FBP2: variants seen among roughly 807,000 people sequenced by gnomAD.
The protein encoded by FBP2 is fructose-1,6-bisphosphatase isozyme 2.
Under a neutral mutation model 31.6 loss-of-function variants are expected in FBP2, and 27 were observed. The observed-to-expected ratio is 0.85, with a 90% confidence interval of 0.63 to 1.18. FBP2 has a LOEUF of 1.18. Ranked by LOEUF, FBP2 falls within the 50% of genes most tolerant of loss-of-function variation. The pLI is 0.00. For missense variants in FBP2, 421 were observed against 436.1 expected (o/e 0.97, Z 0.31); for synonymous variants, 168 against 179.8 (o/e 0.93, Z 0.53).
intron 5 of FBP2, among the ~76,000 whole-genome samples, chr9:94,563,733 C>CAG (rs10668765): frequency 0.6 from 91,413 of 151,752 alleles, 27,751 homozygotes; most frequent in Admixed American, 0.72. Flanking sequence ...GCTAAACAAA[C>CAG]AAAGAAAAAG....
At chr9:94,568,741 A>G (rs1255936814) in intron 4 of FBP2, 1 of 152,114 alleles carries the variant, frequency 6.6e-6, no homozygotes, top group Non-Finnish European at 1.5e-5. Flanking sequence ...CAACTAAACA[A>G]TCCTTTCCTG....
intron 3 of FBP2, among the ~76,000 whole-genome samples, chr9:94,581,404 A>G (rs376098881): frequency 3.9e-5 from 6 of 152,208 alleles, no homozygotes; most frequent in African/African-American, 9.6e-5. Flanking sequence ...AGATAAGTCA[A>G]TTTTGGAAGC....
At chr9:94,568,736 A>G (rs1422204750) in intron 4 of FBP2, 1 of 152,212 alleles carries the variant, frequency 6.6e-6, no homozygotes, top group African/African-American at 2.4e-5. Context: ...AAAAACAACT[A>G]AACAATCCTT....
chr9:94,563,723 G>A (rs1587836899), intron 5 of FBP2, among the ~76,000 whole-genome samples: 2 of 98,444 alleles, frequency 2.0e-5, no homozygotes, highest in Admixed American at 1.4e-4. Flanking sequence ...TAAAAGAGCC[G>A]CTAAACAAAC....
In FBP2 at chr9:94,593,100, G is replaced by A. The variant is rs376496803; in HGVS notation, c.170+457C>T. Among the ~76,000 whole-genome samples, 182 of 152,246 alleles carry A rather than the reference G, an allele frequency of 1.2e-3. 1 individual carries two copies. Among genetic ancestry groups the A allele is most frequent in the African/African-American group, 4.1e-3 (171 of 41,538 alleles). On this transcript the variant is annotated intron_variant, in intron 1 of 6. Coordinates refer to ENST00000375337, the MANE Select transcript of FBP2 (RefSeq NM_003837.4). ...TGATGAGAGAGCAGATGCAGGAAGG[G>A]GCTCTACCAAGCTTCCTATGTCGTA... is the stretch of plus-strand genomic sequence containing the variant.
chr9:94,588,986 C>T (rs2131461047), intron 1 of FBP2, among the ~76,000 whole-genome samples: 1 of 152,334 alleles, frequency 6.6e-6, no homozygotes. Context: ...AGCTTTGGCT[C>T]AAGGATCATC....
At chr9:94,565,782 AGATAGAT>A (rs1827179671) in intron 5 of FBP2, among the ~76,000 whole-genome samples, 1 of 132,364 alleles carries the variant, frequency 7.6e-6, no homozygotes, top group South Asian at 2.4e-4. Flanking sequence ...ATAGATAGAT[AGATAGAT>A]GATAGATAGG....
intron 1 of FBP2, among the ~76,000 whole-genome samples, chr9:94,590,357 AG>A (rs571279729): frequency 2.0e-5 from 3 of 152,198 alleles, no homozygotes; most frequent in African/African-American, 7.2e-5. Flanking sequence ...AGGAAAGAGA[AG>A]GGGAAAAGGA....
rs779678092 is a variant in FBP2 at position 94,593,635 on chromosome 9, A to G, written c.92T>C (p.Leu31Pro). Residue 31 changes from leucine to proline, a missense_variant, in exon 1 of 7, where the codon CTC becomes CCC. Coordinates refer to ENST00000375337, the MANE Select transcript of FBP2 (RefSeq NM_003837.4). Reference sequence around the variant, plus strand: ...CAGCATTGAGTTCAGCAGCTGGGTGAGCTCCCCAGTCCCTTTGGCCTGACG... The same window carrying G: ...CAGCATTGAGTTCAGCAGCTGGGTGGGCTCCCCAGTCCCTTTGGCCTGACG... Reference protein sequence around the residue: ...KGRQAKGTGELTQLLNSMLTA... With the variant: ...KGRQAKGTGEPTQLLNSMLTA... 4 of 1,614,168 alleles carry G rather than the reference A, an allele frequency of 2.5e-6. No homozygotes were observed. The Admixed American group carries it at 5.0e-5, about 20-fold the overall frequency.
At chr9:94,559,274 G>A in intron 6 of FBP2, 142 bp from the exon 7 acceptor site, 2 of 698,442 alleles carry the variant, frequency 2.9e-6, no homozygotes, top group East Asian at 5.5e-5. Context: ...GCAAGAGTGG[G>A]CCCGAGCTTT....
At chr9:94,559,734 C>T (rs188703417) in intron 6 of FBP2, among the ~76,000 whole-genome samples, 37 of 152,258 alleles carry the variant, frequency 2.4e-4, no homozygotes, top group African/African-American at 8.7e-4. Context: ...CCTGTACTTC[C>T]CCTCTGGTAC....
rs55778806 is a variant in FBP2 at position 94,579,050 on chromosome 9, C to CA, written c.426+5526dup. Reference sequence around the variant, plus strand: ...CCTGGGCAACAGAGAGAGACTCTGTCAAAAAAAAAAAAAAAAAAAGGTTAT... The same window carrying CA: ...CCTGGGCAACAGAGAGAGACTCTGTCAAAAAAAAAAAAAAAAAAAAGGTTAT... On this transcript the variant is annotated intron_variant, in intron 3 of 6. Transcript: ENST00000375337. 1.4e-3 allele frequency among the ~76,000 whole-genome samples: 43 copies of CA among 30,590 alleles called. 2 individuals carry two copies. The highest frequency in any genetic ancestry group is 7.5e-3 in the East Asian group (6 of 804). 20.1% of individuals were successfully genotyped at this position (30,590 alleles called of 152,430 possible). A position where few individuals can be genotyped will look rare whatever the true frequency, so the allele number is the denominator to read the frequency against.
chr9:94,563,221 C>T, intron 6 of FBP2, 121 bp downstream of exon 6: 1 of 1,150,414 alleles, frequency 8.7e-7, no homozygotes, highest in Non-Finnish European at 1.2e-6. Flanking sequence ...TTTTTCCTCC[C>T]CTGCCCATCC....
intron 3 of FBP2, among the ~76,000 whole-genome samples, chr9:94,579,297 C>G (rs1242982369): frequency 2.1e-5 from 3 of 145,846 alleles, no homozygotes. Flanking sequence ...ACTCAGGAGG[C>G]TGAGGCAGGA....
In FBP2 at chr9:94,558,876, TC is replaced by T. The variant is rs1260980143; in HGVS notation, c.*61del. 4.1e-6 allele frequency: 6 copies of T among 1,474,098 alleles called. No homozygotes were observed. Among genetic ancestry groups the T allele is most frequent in the Non-Finnish European group, 4.7e-6 (5 of 1,055,046 alleles). 91.3% of individuals were successfully genotyped at this position (1,474,098 alleles called of 1,614,324 possible). ...CATAGCTACCATCTCTGTTTATCGT[TC>T]ATTTAGGGTCCTTAGACAAGGTGCA... On this transcript the variant is annotated 3_prime_UTR_variant, in exon 7 of 7. Transcript: ENST00000375337.
At chr9:94,591,240 T>C (rs1827497761) in intron 1 of FBP2, among the ~76,000 whole-genome samples, 1 of 151,642 alleles carries the variant, frequency 6.6e-6, no homozygotes. Flanking sequence ...GCCCATGGAG[T>C]GGATGGGAGG....
chr9:94,591,602 G>T (rs1479606109), intron 1 of FBP2, among the ~76,000 whole-genome samples: 1 of 152,244 alleles, frequency 6.6e-6, no homozygotes, highest in Non-Finnish European at 1.5e-5. Flanking sequence ...CAGTGCAGTG[G>T]GGGGCTGAAA....
intron 1 of FBP2, among the ~76,000 whole-genome samples, chr9:94,588,503 GT>G (rs754591452): frequency 1.3e-5 from 2 of 152,106 alleles, no homozygotes; most frequent in Non-Finnish European, 2.9e-5. Context: ...CACACCTGTA[GT>G]CCCAGCTACT....
intron 3 of FBP2, 29 bp from the exon 4 acceptor site, chr9:94,571,631 GTTA>G (rs894451633): frequency 6.3e-7 from 1 of 1,592,144 alleles, no homozygotes. Flanking sequence ...AATGCCATGT[GTTA>G]TTGTTGTCTC....
Sources: gnomAD v4.1 joint callset for allele counts (sites outside exome capture counted in the v4.1 genomes callset) on GRCh38, gnomAD v4.1.1 for gene constraint, MANE v1.5 for transcripts, NCBI Gene and HGNC (gene_info 2026-07-23, HGNC 2026-07-21) for gene names.